The following MTA3 variants were observed in gnomAD, a reference collection of about 807,000 sequenced individuals.
The protein encoded by MTA3 is metastasis associated 1 family member 3.
Under a neutral mutation model 83.5 loss-of-function variants are expected in MTA3, and 34 were observed. The observed-to-expected ratio is 0.41, with a 90% confidence interval of 0.31 to 0.54. The LOEUF (loss-of-function observed/expected upper bound fraction) is 0.54. Among genes scored for constraint, MTA3 ranks in the 20% least tolerant of loss-of-function variants. The pLI is 0.33. For synonymous variants in MTA3, 303 were observed against 252.7 expected (o/e 1.20, Z -1.89); for missense variants, 761 against 726.4 (o/e 1.05, Z -0.55).
rs571569793 is a variant in MTA3 at position 42,580,817 on chromosome 2, A to G, written c.190+1617A>G. 2.0e-5 allele frequency among the ~76,000 whole-genome samples: 3 copies of G among 152,234 alleles called. No individual in the cohort carries two copies. In the East Asian group the frequency reaches 5.8e-4, roughly 29 times the overall value. On this transcript the variant is annotated intron_variant, in intron 3 of 16. Coordinates refer to ENST00000405094, the MANE Select transcript of MTA3 (RefSeq NM_001330442.2). ...CACCATGTTGGCCAGGCTGGTGTTG[A>G]ACTCCTGACCTCAAGTGATCCGCCC... is the stretch of plus-strand genomic sequence containing the variant.
At chr2:42,632,440 A>G (rs1006929220) in intron 4 of MTA3, among the ~76,000 whole-genome samples, 5 of 151,936 alleles carry the variant, frequency 3.3e-5, no homozygotes, top group African/African-American at 2.4e-5. Context: ...ACTGTACTCC[A>G]TATGTTGTGG....
chr2:42,607,585 C>T (rs1192967623), intron 3 of MTA3, among the ~76,000 whole-genome samples: 3 of 152,132 alleles, frequency 2.0e-5, no homozygotes, highest in African/African-American at 4.8e-5. Context: ...CTCAAGCGAT[C>T]TGCTTGCCTC....
intron 11 of MTA3, chr2:42,703,948 G>C (rs2104494273): frequency 3.0e-6 from 1 of 337,128 alleles, no homozygotes. Flanking sequence ...GACCAGAAAA[G>C]AGATGGGACA....
At chr2:42,522,146 A>G (rs1675458543) in intron 2 of MTA3, among the ~76,000 whole-genome samples, 1 of 152,174 alleles carries the variant, frequency 6.6e-6, no homozygotes, top group South Asian at 2.1e-4. Context: ...TGTGTGATAG[A>G]GGCAGCCTCA....
chr2:42,548,298 CTACAAAAAA>C (rs1676853822), intron 2 of MTA3, among the ~76,000 whole-genome samples: 3 of 151,924 alleles, frequency 2.0e-5, no homozygotes, highest in South Asian at 2.1e-4. Context: ...AACCCTGTCT[CTACAAAAAA>C]TACAAAAAAT....
chr2:42,539,719 C>G (rs1437575903), intron 2 of MTA3, among the ~76,000 whole-genome samples: 1 of 151,578 alleles, frequency 6.6e-6, no homozygotes, highest in Non-Finnish European at 1.5e-5. Flanking sequence ...GTAGCTGGGA[C>G]TACAGTCATG....
Position 42,708,959 on chromosome 2 carries a change from A to T in MTA3, c.1388A>T (p.Lys463Met). Residue 463 changes from lysine to methionine, a missense_variant, in exon 14 of 17, where the codon AAG (lysine) becomes ATG (methionine). Lys to Met is a moderately conservative substitution (Grantham distance 95). Transcript: ENST00000405094. ...RNTGSPKSAV[K>M]TRQAFFLHTT... is the part of the protein sequence containing the mutation. ...ACTGGGAGTCCAAAGTCTGCAGTGA[A>T]GACCCGCCAAGCTTTCTTCCTTCAT... 6.2e-7 allele frequency: 1 copy of T among 1,614,044 alleles called. No homozygotes were observed. The highest frequency in any genetic ancestry group is 8.5e-7 in the Non-Finnish European group (1 of 1,179,898).
intron 4 of MTA3, among the ~76,000 whole-genome samples, chr2:42,623,937 A>G (rs1685830192): frequency 6.6e-6 from 1 of 151,932 alleles, no homozygotes; most frequent in Admixed American, 6.6e-5. Flanking sequence ...GGTGTGATCC[A>G]CCGACCTTAG....
At chr2:42,600,195 C>G (rs1682388026) in intron 3 of MTA3, among the ~76,000 whole-genome samples, 1 of 152,022 alleles carries the variant, frequency 6.6e-6, no homozygotes, top group African/African-American at 2.4e-5. Flanking sequence ...GAGACTCTGT[C>G]TCAAAAAAAA....
chr2:42,732,014 G>C (rs1376894161), intron 16 of MTA3, among the ~76,000 whole-genome samples: 1 of 152,146 alleles, frequency 6.6e-6, no homozygotes, highest in Non-Finnish European at 1.5e-5. Flanking sequence ...TTTGACTCCG[G>C]GTCTCATATC....
At chr2:42,648,180 G>A (rs1313167604) in intron 6 of MTA3, among the ~76,000 whole-genome samples, 1 of 152,166 alleles carries the variant, frequency 6.6e-6, no homozygotes, top group Non-Finnish European at 1.5e-5. Flanking sequence ...TAGGGGGGAA[G>A]GAGTGGGGAT....
chr2:42,727,699 G>GT (rs1297614348), intron 16 of MTA3, among the ~76,000 whole-genome samples: 25 of 148,842 alleles, frequency 1.7e-4, no homozygotes, highest in Admixed American at 2.0e-4. Context: ...GAATCACATG[G>GT]TTTTTTTTTT....
At chr2:42,713,898 C>T (rs553788168) in intron 14 of MTA3, among the ~76,000 whole-genome samples, 1 of 152,096 alleles carries the variant, frequency 6.6e-6, no homozygotes, top group Non-Finnish European at 1.5e-5. Flanking sequence ...TCATTTCATA[C>T]TGATGTATAA....
At chr2:42,699,022 A>G (rs752356306) in intron 11 of MTA3, among the ~76,000 whole-genome samples, 27 of 152,332 alleles carry the variant, frequency 1.8e-4, no homozygotes, top group Admixed American at 3.3e-4. Context: ...CTTATACTTC[A>G]AAGTGCTGCC....
Position 42,542,005 on chromosome 2 carries a change from C to A in MTA3, c.-140-28432C>A, listed in dbSNP as rs531412467. Among the ~76,000 whole-genome samples the A allele has an allele frequency of 8.2e-4, 125 of 152,284 alleles. 1 individual carries two copies. The highest frequency in any genetic ancestry group is 1.6e-3 in the Non-Finnish European group (106 of 68,028). ...TCTAGAACTAGAGGGTTGTGAGGAG[C>A]CAAGGCAGCAGTTTTCTGGGCTTTT... On this transcript the variant is annotated intron_variant, in intron 2 of 17. Transcript: ENST00000405592.
intron 8 of MTA3, among the ~76,000 whole-genome samples, chr2:42,667,204 G>A (rs1349264072): frequency 6.6e-6 from 1 of 152,078 alleles, no homozygotes; most frequent in African/African-American, 2.4e-5. Flanking sequence ...ATGCCAGCAT[G>A]CCCAGCTGTG....
At chr2:42,623,037 A>C (rs1685732856) in intron 4 of MTA3, among the ~76,000 whole-genome samples, 1 of 152,222 alleles carries the variant, frequency 6.6e-6, no homozygotes, top group Non-Finnish European at 1.5e-5. Flanking sequence ...TCTCCATGGT[A>C]ATGTAATGAG....
intron 2 of MTA3, among the ~76,000 whole-genome samples, chr2:42,516,452 A>G (rs963938078): frequency 6.6e-6 from 1 of 152,174 alleles, no homozygotes; most frequent in South Asian, 2.1e-4. Flanking sequence ...TCTCACTTCC[A>G]TAGGTGTCCA....
intron 5 of MTA3, among the ~76,000 whole-genome samples, chr2:42,642,629 A>T (rs1195543429): frequency 2.0e-5 from 3 of 150,984 alleles, no homozygotes; most frequent in Non-Finnish European, 4.4e-5. Flanking sequence ...CATCCCCTGT[A>T]GCTTTGTTAA....
Sources: gnomAD v4.1 joint callset for allele counts (sites outside exome capture counted in the v4.1 genomes callset) on GRCh38, gnomAD v4.1.1 for gene constraint, MANE v1.5 for transcripts, NCBI Gene and HGNC (gene_info 2026-07-23, HGNC 2026-07-21) for gene names.